BAG4: variants seen among roughly 807,000 people sequenced by gnomAD.
BAG4 encodes BAG cochaperone 4.
In BAG4, 28 loss-of-function variants were observed where a neutral mutation model predicts 52.1. The observed-to-expected ratio is 0.54, with a 90% CI of 0.40 to 0.74. BAG4 has a LOEUF of 0.74. Ranked by LOEUF, BAG4 falls within the 30% of genes least tolerant of loss-of-function variation. The pLI, the probability that BAG4 is intolerant of heterozygous loss-of-function variation, is 0.00. For synonymous variants in BAG4, 208 were observed against 217.0 expected (o/e 0.96, Z 0.37); for missense variants, 525 against 572.0 (o/e 0.92, Z 0.84).
At position 38,210,447 on chromosome 8, in the gene BAG4, G is replaced by C; in HGVS notation, c.1328G>C (p.Cys443Ser). ...CGGCAGGCCAGAAAAGAGGCTGTTT[G>C]TAAGATTCAGGCCATACTGGAAAAA... ...SVRQARKEAV[C>S]KIQAILEKLE... is the part of the protein sequence containing the mutation. The change falls in exon 5 of 5, where the codon TGT (cysteine) becomes TCT (serine). Residue 443 changes from cysteine to serine, a missense_variant. Physicochemically the swap from Cys to Ser is moderately radical, Grantham distance 112. Transcript: ENST00000287322. The C allele has an allele frequency of 6.3e-7, 1 of 1,599,564 alleles. No homozygotes were observed.
intron 2 of BAG4, among the ~76,000 whole-genome samples, chr8:38,194,409 C>CTTTTT (rs750931003): frequency 1.1e-4 from 9 of 78,610 alleles, no homozygotes; most frequent in Admixed American, 1.5e-4. Flanking sequence ...TAGGTGTGTA[C>CTTTTT]TTTTTTTTTT....
At chr8:38,198,809 T>C (rs1051101900) in intron 2 of BAG4, among the ~76,000 whole-genome samples, 1 of 151,932 alleles carries the variant, frequency 6.6e-6, no homozygotes, top group African/African-American at 2.4e-5. Context: ...TTAAAACTGT[T>C]TGTGTTAAAA....
In BAG4 at chr8:38,185,403, A is replaced by T. The variant is rs186122411; in HGVS notation, c.271-7285A>T. Reference sequence around the variant, plus strand: ...TATTTGCACAATCTAACAATAATGTATAAAATAAGTTCAAAATAATGCCAG... The same window carrying T: ...TATTTGCACAATCTAACAATAATGTTTAAAATAAGTTCAAAATAATGCCAG... On this transcript the variant is annotated intron_variant, in intron 1 of 4. Coordinates refer to ENST00000287322, the MANE Select transcript of BAG4 (RefSeq NM_004874.4). 3.9e-5 allele frequency among the ~76,000 whole-genome samples: 6 copies of T among 152,350 alleles called. No individual in the cohort carries two copies. In the East Asian group the frequency reaches 7.7e-4, roughly 20 times the overall value.
At position 38,177,017 on chromosome 8, in the gene BAG4, T is replaced by A. The variant is rs1478133053; in HGVS notation, c.148T>A (p.Trp50Arg). 6.2e-7 allele frequency: 1 copy of A among 1,603,998 alleles called. No homozygotes were observed. The highest frequency in any genetic ancestry group is 8.5e-7 in the Non-Finnish European group (1 of 1,175,794). Residue 50 changes from tryptophan to arginine, a missense_variant, in exon 1 of 5, where the codon TGG becomes AGG. Physicochemically the swap from Trp to Arg is moderately radical, Grantham distance 101. Transcript: ENST00000287322. ...RPEPPQPPISWRVRGGGPAET... is the reference protein window; with the variant it reads ...RPEPPQPPISRRVRGGGPAET... ...TGAACCTCCCCAGCCTCCCATTTCC[T>A]GGCGGGTGCGCGGGGGCGGCCCGGC...
intron 2 of BAG4, among the ~76,000 whole-genome samples, chr8:38,199,661 A>G (rs1233719864): frequency 6.6e-6 from 1 of 151,580 alleles, no homozygotes; most frequent in Non-Finnish European, 1.5e-5. Context: ...GTAGCTGGGA[A>G]TAAAGGTGCC....
chr8:38,189,934 C>A (rs1462435265), intron 1 of BAG4, among the ~76,000 whole-genome samples: 1 of 151,962 alleles, frequency 6.6e-6, no homozygotes, highest in African/African-American at 2.4e-5. Flanking sequence ...TACAGGCGCC[C>A]GCCACCACAC....
At chr8:38,183,802 C>T (rs528424525) in intron 1 of BAG4, among the ~76,000 whole-genome samples, 5 of 152,170 alleles carry the variant, frequency 3.3e-5, no homozygotes, top group Admixed American at 2.6e-4. Flanking sequence ...GGATTACAGG[C>T]GTGAGCTACC....
intron 2 of BAG4, among the ~76,000 whole-genome samples, chr8:38,201,194 A>C (rs1272308531): frequency 6.6e-6 from 1 of 152,230 alleles, no homozygotes; most frequent in Non-Finnish European, 1.5e-5. Flanking sequence ...TAGATACAAC[A>C]TACAAGTTGT....
chr8:38,193,705 A>G (rs1306136115), intron 2 of BAG4, among the ~76,000 whole-genome samples: 1 of 150,564 alleles, frequency 6.6e-6, no homozygotes, highest in Non-Finnish European at 1.5e-5. Context: ...AGCTGGGACT[A>G]CAGGCACACA....
chr8:38,180,797 C>G (rs1402535033), intron 1 of BAG4, among the ~76,000 whole-genome samples: 2 of 152,036 alleles, frequency 1.3e-5, no homozygotes, highest in Non-Finnish European at 2.9e-5. Flanking sequence ...TTAAGATCCC[C>G]AGGTGATTCA....
chr8:38,193,563 A>G (rs1027264742), intron 2 of BAG4, among the ~76,000 whole-genome samples: 12 of 151,836 alleles, frequency 7.9e-5, no homozygotes, highest in African/African-American at 2.9e-4. Flanking sequence ...ATTTACTGAA[A>G]TTTTATTTAT....
At chr8:38,195,987 A>G (rs1803554216) in intron 2 of BAG4, among the ~76,000 whole-genome samples, 1 of 152,188 alleles carries the variant, frequency 6.6e-6, no homozygotes, top group Admixed American at 6.5e-5. Context: ...GACATTTTGT[A>G]TGGAATCATA....
intron 1 of BAG4, among the ~76,000 whole-genome samples, chr8:38,186,070 G>T (rs937306021): frequency 6.6e-6 from 1 of 152,090 alleles, no homozygotes; most frequent in Non-Finnish European, 1.5e-5. Flanking sequence ...CCTAGGAGGA[G>T]GAGTAGCGTA....
chr8:38,181,200 A>G (rs1803263084), intron 1 of BAG4, among the ~76,000 whole-genome samples: 1 of 150,408 alleles, frequency 6.6e-6, no homozygotes, highest in African/African-American at 2.5e-5. Context: ...CTTGGCTGGG[A>G]TTACAGGCGT....
intron 1 of BAG4, among the ~76,000 whole-genome samples, chr8:38,181,276 C>G (rs1803265476): frequency 6.7e-6 from 1 of 148,266 alleles, no homozygotes; most frequent in Non-Finnish European, 1.5e-5. Flanking sequence ...CTCTTTTTGC[C>G]CAGGCTGGAG....
intron 1 of BAG4, among the ~76,000 whole-genome samples, chr8:38,179,689 C>G (rs970365520): frequency 4.6e-5 from 7 of 151,716 alleles, no homozygotes; most frequent in Non-Finnish European, 1.0e-4. Flanking sequence ...TCGCTTGAAC[C>G]CAGGAGGCGG....
At chr8:38,177,315 C>T (rs893957361) in intron 1 of BAG4, among the ~76,000 whole-genome samples, 176 bp downstream of exon 1, 4 of 152,116 alleles carry the variant, frequency 2.6e-5, no homozygotes, top group Non-Finnish European at 4.4e-5. Context: ...TTCCCTTTGC[C>T]CCTCCTTTTC....
At chr8:38,190,600 ATT>A (rs540081789) in intron 1 of BAG4, among the ~76,000 whole-genome samples, 20 of 131,136 alleles carry the variant, frequency 1.5e-4, no homozygotes, top group Non-Finnish European at 1.3e-4. Flanking sequence ...CCCACCTGAC[ATT>A]TTTTTTTTTT....
intron 1 of BAG4, among the ~76,000 whole-genome samples, chr8:38,186,730 A>G (rs1186952240): frequency 6.6e-6 from 1 of 152,242 alleles, no homozygotes; most frequent in African/African-American, 2.4e-5. Context: ...TATTAAAACC[A>G]GTAGAGCAAT....
Sources: allele counts gnomAD v4.1 joint callset (sites outside exome capture counted in the v4.1 genomes callset), GRCh38; gene constraint gnomAD v4.1.1; transcripts MANE v1.5; gene names NCBI Gene and HGNC (gene_info 2026-07-23, HGNC 2026-07-21).